TARS3: variants seen among roughly 807,000 people sequenced by gnomAD.
TARS3 encodes the protein threonyl-tRNA synthetase 3.
A neutral mutation model predicts 103.5 loss-of-function variants in TARS3; 94 were observed. The observed-to-expected ratio is 0.91, with a 90% CI of 0.77 to 1.08. The LOEUF is 1.08. TARS3 is among the 50% of genes least tolerant of loss of function. The pLI is 0.00. For missense variants in TARS3, 952 were observed against 995.2 expected (o/e 0.96, Z 0.58); for synonymous variants, 416 against 355.4 (o/e 1.17, Z -1.92).
intron 7 of TARS3, among the ~76,000 whole-genome samples, chr15:101,704,555 T>C (rs1899450339): frequency 6.6e-6 from 1 of 151,344 alleles, no homozygotes; most frequent in Admixed American, 6.6e-5. Flanking sequence ...CTTGGGAGGC[T>C]GAGGCAGGAG....
At chr15:101,688,022 T>TATAACAA (rs1449045323) in intron 10 of TARS3, among the ~76,000 whole-genome samples, 1 of 152,148 alleles carries the variant, frequency 6.6e-6, no homozygotes, top group African/African-American at 2.4e-5. Flanking sequence ...GGTACTTTGT[T>TATAACAA]ATAGCAGCAC....
Position 101,684,150 on chromosome 15 carries a change from C to T in TARS3, c.1575G>A (p.Ser525=), listed in dbSNP as rs982643114. 80 of 1,613,848 alleles carry T rather than the reference C, an allele frequency of 5.0e-5. No homozygotes were observed. Among genetic ancestry groups the T allele is most frequent in the Non-Finnish European group, 6.4e-5 (75 of 1,179,942 alleles). Residue 525 remains serine (S), a synonymous_variant, in exon 12 of 19, where the codon TCG becomes TCA. Coordinates refer to ENST00000335968, the MANE Select transcript of TARS3 (RefSeq NM_152334.3). ...CTCTGGTCAAGCCGCTGAGAGTCCCCGACAGTTCATTTCTATGCAGAACTC... is the reference window on the plus strand; with the variant it reads ...CTCTGGTCAAGCCGCTGAGAGTCCCTGACAGTTCATTTCTATGCAGAACTC... ...DFGVLHRNEL[S]GTLSGLTRVR...
intron 10 of TARS3, among the ~76,000 whole-genome samples, chr15:101,689,852 C>G (rs1898633640): frequency 6.6e-6 from 1 of 152,190 alleles, no homozygotes; most frequent in Admixed American, 6.5e-5. Flanking sequence ...TAAAACAATG[C>G]CCATCTGGGG....
intron 2 of TARS3, among the ~76,000 whole-genome samples, chr15:101,721,883 TCAGTA>T (rs546980089): frequency 5.2e-4 from 79 of 152,184 alleles, no homozygotes; most frequent in Non-Finnish European, 8.7e-4. Context: ...TGTTTTTCAC[TCAGTA>T]CAGTATTCAA....
rs117594935 is a variant in TARS3, at chr15:101,675,181, G to A, written c.1788+419C>T. ...TTCAGACAGACACAGGGCAGGGCAC[G>A]ACAGGACGTGACTACGAAGGGGACT... is the stretch of plus-strand genomic sequence containing the variant. On this transcript the variant is annotated intron_variant, in intron 13 of 18. Transcript: ENST00000335968. Among the ~76,000 whole-genome samples the A allele has an allele frequency of 8.4e-3, 1,280 of 152,274 alleles. 13 individuals are homozygous for A. Among genetic ancestry groups the A allele is most frequent in the Non-Finnish European group, 0.014 (980 of 68,030 alleles).
At chr15:101,664,033 T>C (rs1396149808) in intron 15 of TARS3, 1 of 152,236 alleles carries the variant, frequency 6.6e-6, no homozygotes, top group Non-Finnish European at 1.5e-5. Context: ...ATCATGGTGA[T>C]GACCTTGATG....
chr15:101,659,825 G>C (rs1897313172), intron 16 of TARS3, among the ~76,000 whole-genome samples: 1 of 152,168 alleles, frequency 6.6e-6, no homozygotes, highest in Non-Finnish European at 1.5e-5. Flanking sequence ...TGATACCTAA[G>C]TATATTTCTC....
chr15:101,712,196 C>T (rs1899904021), intron 4 of TARS3, among the ~76,000 whole-genome samples, 195 bp from the exon 5 acceptor site: 1 of 152,194 alleles, frequency 6.6e-6, no homozygotes, highest in Admixed American at 6.5e-5. Context: ...GACATTCCAC[C>T]GGAGTCACTT....
At chr15:101,678,784 T>C (rs1898136084) in intron 12 of TARS3, among the ~76,000 whole-genome samples, 1 of 152,212 alleles carries the variant, frequency 6.6e-6, no homozygotes, top group Non-Finnish European at 1.5e-5. Flanking sequence ...TTCCTAAAGT[T>C]CCCTGATTCC....
At chr15:101,699,456 C>T (rs1377198456) in intron 10 of TARS3, 2 of 455,930 alleles carry the variant, frequency 4.4e-6, no homozygotes, top group Admixed American at 4.7e-5. Flanking sequence ...TAAGAGATCC[C>T]CTTAATGCCA....
intron 10 of TARS3, among the ~76,000 whole-genome samples, chr15:101,697,247 T>A (rs544359336): frequency 6.6e-6 from 1 of 152,320 alleles, no homozygotes; most frequent in Admixed American, 6.5e-5. Flanking sequence ...ATGAACCTCA[T>A]GATTCTTCAG....
At chr15:101,712,412 C>A (rs1480098633) in intron 4 of TARS3, among the ~76,000 whole-genome samples, 1 of 152,166 alleles carries the variant, frequency 6.6e-6, no homozygotes, top group Non-Finnish European at 1.5e-5. Flanking sequence ...TCCAGGGGCA[C>A]CCTCTCTGAG....
chr15:101,706,872 T>G (rs1195888113), intron 6 of TARS3, among the ~76,000 whole-genome samples: 1 of 152,194 alleles, frequency 6.6e-6, no homozygotes, highest in East Asian at 1.9e-4. Context: ...GTTTAGTTCT[T>G]AAAAGTAGCT....
chr15:101,723,805 A>G (rs1417938653), intron 1 of TARS3, among the ~76,000 whole-genome samples: 3 of 152,194 alleles, frequency 2.0e-5, no homozygotes, highest in Non-Finnish European at 2.9e-5. Context: ...TTTCAAACAA[A>G]TGAAAACACT....
At chr15:101,661,201 T>C (rs1176188556) in intron 16 of TARS3, among the ~76,000 whole-genome samples, 1 of 114,498 alleles carries the variant, frequency 8.7e-6, no homozygotes, top group Non-Finnish European at 2.0e-5. Context: ...CCTTCCCCAC[T>C]GTCATCCTAA....
At position 101,724,396 on chromosome 15, in the gene TARS3, C is replaced by A. The variant is rs753799634; in HGVS notation, c.-9G>T. On this transcript the variant is annotated 5_prime_UTR_variant, in exon 1 of 19. Coordinates refer to ENST00000335968, the MANE Select transcript of TARS3 (RefSeq NM_152334.3). The stretch of plus-strand genomic sequence containing the variant: ...AGGGCCTCGGCCGCCATCGCGGCCT[C>A]CCTCAGGCACCGACGCCGAGCGGGG... 55 of 1,434,430 alleles carry A rather than the reference C, an allele frequency of 3.8e-5. No individual in the cohort carries two copies. Among genetic ancestry groups the A allele is most frequent in the Non-Finnish European group, 4.7e-5 (52 of 1,100,986 alleles). 88.9% of individuals were successfully genotyped at this position (1,434,430 alleles called of 1,614,324 possible). A position where few individuals can be genotyped will look rare whatever the true frequency, so the allele number is the denominator to read the frequency against.
At chr15:101,680,086 C>T (rs1203983567) in intron 12 of TARS3, among the ~76,000 whole-genome samples, 2 of 152,130 alleles carry the variant, frequency 1.3e-5, no homozygotes, top group South Asian at 2.1e-4. Flanking sequence ...ACTGACACTG[C>T]TGGGTTGGGG....
At chr15:101,699,382 G>T (rs1242273960) in intron 10 of TARS3, 11 of 455,594 alleles carry the variant, frequency 2.4e-5, no homozygotes, top group Non-Finnish European at 3.5e-5. Context: ...TTACAGTTTG[G>T]TGACCCTCAC....
chr15:101,688,146 TATAC>T (rs994944317), intron 10 of TARS3, among the ~76,000 whole-genome samples: 2 of 152,186 alleles, frequency 1.3e-5, no homozygotes, highest in Non-Finnish European at 2.9e-5. Flanking sequence ...CATATTGTAA[TATAC>T]ATATTGTTTT....
Sources: gnomAD v4.1 joint callset for allele counts (sites outside exome capture counted in the v4.1 genomes callset) on GRCh38, gnomAD v4.1.1 for gene constraint, MANE v1.5 for transcripts, NCBI Gene and HGNC (gene_info 2026-07-23, HGNC 2026-07-21) for gene names.